TENM1: variants seen among roughly 807,000 people sequenced by gnomAD.
The protein encoded by TENM1 is teneurin-1.
TENM1 carries 35 observed loss-of-function variants against 174.8 expected under a neutral mutation model. The observed-to-expected ratio is 0.20, with a 90% confidence interval of 0.15 to 0.27. The LOEUF (loss-of-function observed/expected upper bound fraction) is 0.27, where lower values mean the gene tolerates loss of function less well. Ranked by LOEUF, TENM1 falls within the 10% of genes least tolerant of loss-of-function variation. TENM1 has a pLI of 1.00. For missense variants in TENM1, 1,633 were observed against 2,130.1 expected, an observed-to-expected ratio of 0.77 and a Z score of 4.59; for synonymous variants, 781 against 798.7, an observed-to-expected ratio of 0.98 and a Z score of 0.37.
At chrX:124,895,956 T>A (rs2057555703) in intron 2 of TENM1, 25 bp downstream of exon 5, 1 of 1,206,397 alleles carries the variant, frequency 8.3e-7, no homozygotes, top group Non-Finnish European at 1.1e-6. Context: ...TGTGTTTTAC[T>A]TAAACAATTC....
At chrX:125,051,651 C>G in the TENM1 span, among the ~76,000 whole-genome samples, 1 of 104,355 alleles carries the variant, frequency 9.6e-6, no homozygotes, top group Non-Finnish European at 2.0e-5. Context: ...ATGTAGAAAG[C>G]TGAAACTGGA....
chrX:124,498,330 T>C (rs2047248657), intron 19 of TENM1, among the ~76,000 whole-genome samples: 1 of 111,299 alleles, frequency 9.0e-6, no homozygotes, highest in African/African-American at 3.3e-5. Context: ...TCCATGCATA[T>C]CCATTTCCAG....
At chrX:124,487,952 G>A (rs1292448459) in intron 20 of TENM1, among the ~76,000 whole-genome samples, 2 of 112,052 alleles carry the variant, frequency 1.8e-5, no homozygotes. Context: ...CAGCAAAACT[G>A]CTGATCAAAA....
At chrX:124,641,845 C>T in exon 11 of TENM1, 1 of 1,211,783 alleles carries the variant, frequency 8.3e-7, no homozygotes, top group Non-Finnish European at 1.1e-6. Context: ...ACTCCAGCGT[C>T]CAGAAGAAAA....
chrX:124,459,411 T>C (rs1353846752), intron 22 of TENM1, among the ~76,000 whole-genome samples: 1 of 110,822 alleles, frequency 9.0e-6, no homozygotes, highest in Non-Finnish European at 1.9e-5. Flanking sequence ...ATTTTTTAGA[T>C]GAGGAAATGG....
chrX:124,855,960 T>C (rs943499651), intron 3 of TENM1, among the ~76,000 whole-genome samples: 2 of 110,899 alleles, frequency 1.8e-5, no homozygotes, highest in Admixed American at 9.6e-5. Flanking sequence ...GAAGTCACCA[T>C]AGGAAGAGAA....
chrX:125,198,896 G>T, the TENM1 span, among the ~76,000 whole-genome samples: 1 of 110,377 alleles, frequency 9.1e-6, no homozygotes, highest in African/African-American at 3.3e-5. Flanking sequence ...AGGGGGAGTA[G>T]GGTGTAGAAT....
intron 6 of TENM1, among the ~76,000 whole-genome samples, chrX:124,666,126 A>AT (rs1422485543): frequency 4.5e-5 from 5 of 111,194 alleles, no homozygotes; most frequent in Admixed American, 3.8e-4. Flanking sequence ...GAAAAACGTC[A>AT]TTTTTTTTCA....
chrX:124,952,008 G>A (rs1002860263), intron 1 of TENM1, among the ~76,000 whole-genome samples: 2 of 110,481 alleles, frequency 1.8e-5, no homozygotes, highest in Non-Finnish European at 3.8e-5. Context: ...GTGTGTTATG[G>A]TTAGAATGCT....
intron 5 of TENM1, among the ~76,000 whole-genome samples, chrX:124,700,808 G>C (rs1177044386): frequency 9.0e-6 from 1 of 111,148 alleles, no homozygotes; most frequent in Non-Finnish European, 1.9e-5. Context: ...TTTTGAGGCG[G>C]ACAAAATGAA....
intron 5 of TENM1, among the ~76,000 whole-genome samples, chrX:124,703,951 T>C (rs2052836725): frequency 8.9e-6 from 1 of 112,484 alleles, no homozygotes; most frequent in African/African-American, 3.2e-5. Flanking sequence ...GTTTACATCA[T>C]CAGTGACCTC....
the TENM1 span, among the ~76,000 whole-genome samples, chrX:125,004,259 G>A: frequency 9.0e-6 from 1 of 111,693 alleles, no homozygotes; most frequent in Non-Finnish European, 1.9e-5. Context: ...TAGAGCCTGT[G>A]GATTTTCATT....
chrX:125,066,559 C>T, the TENM1 span, among the ~76,000 whole-genome samples: 4 of 111,445 alleles, frequency 3.6e-5, no homozygotes, highest in African/African-American at 1.3e-4. Flanking sequence ...CTCTGGGTCT[C>T]AATTTTGTAA....
intron 11 of TENM1, among the ~76,000 whole-genome samples, chrX:124,619,278 T>C (rs2050463975): frequency 8.9e-6 from 1 of 111,926 alleles, no homozygotes; most frequent in Non-Finnish European, 1.9e-5. Flanking sequence ...TTTTAATACA[T>C]TTACATTAAT....
At chrX:124,515,038 G>C (rs2047670167) in intron 18 of TENM1, among the ~76,000 whole-genome samples, 1 of 111,235 alleles carries the variant, frequency 9.0e-6, no homozygotes, top group African/African-American at 3.3e-5. Context: ...TGTAAAGTTG[G>C]TTCAACATAC....
intron 23 of TENM1, among the ~76,000 whole-genome samples, chrX:124,423,934 G>C (rs1206251868): frequency 9.0e-6 from 1 of 111,189 alleles, no homozygotes; most frequent in East Asian, 2.8e-4. Context: ...CATAAGGGTG[G>C]GGATCTAATC....
At chrX:124,585,232 C>T (rs1251962833) in intron 11 of TENM1, among the ~76,000 whole-genome samples, 1 of 111,641 alleles carries the variant, frequency 9.0e-6, no homozygotes, top group African/African-American at 3.3e-5. Flanking sequence ...ACAGAATATA[C>T]ATTTTGTTCA....
intron 15 of TENM1, among the ~76,000 whole-genome samples, chrX:124,535,207 A>G (rs1481359762): frequency 9.0e-6 from 1 of 111,721 alleles, no homozygotes; most frequent in Non-Finnish European, 1.9e-5. Context: ...GTGTTGGATC[A>G]TAGAATTTAC....
chrX:124,783,520 G>A (rs1265926569), intron 3 of TENM1, among the ~76,000 whole-genome samples: 4 of 111,109 alleles, frequency 3.6e-5, no homozygotes, highest in Non-Finnish European at 7.6e-5. Context: ...AAGTAATGTC[G>A]AATAAGTGGT....
Sources: gnomAD v4.1 joint callset for allele counts (sites outside exome capture counted in the v4.1 genomes callset) on GRCh38, gnomAD v4.1.1 for gene constraint, MANE v1.5 for transcripts, NCBI Gene and HGNC (gene_info 2026-07-23, HGNC 2026-07-21) for gene names.